SLC35F4: variants seen among roughly 807,000 people sequenced by gnomAD.
The protein encoded by SLC35F4 is solute carrier family 35 member F4.
Under a neutral mutation model 44.2 loss-of-function variants are expected in SLC35F4, and 24 were observed. That is an observed-to-expected ratio of 0.54 (90% CI 0.39 to 0.76). The LOEUF is 0.76. Among genes scored for constraint, SLC35F4 ranks in the 30% least tolerant of loss-of-function variants. The pLI is 0.00. For synonymous variants in SLC35F4, 238 were observed against 223.6 expected (o/e 1.06, Z -0.57); for missense variants, 562 against 586.1 (o/e 0.96, Z 0.42).
chr14:57,638,760 C>T (rs2073109852), intron 1 of SLC35F4, among the ~76,000 whole-genome samples: 1 of 152,014 alleles, frequency 6.6e-6, no homozygotes, highest in South Asian at 2.1e-4. Context: ...TCTTATGTGT[C>T]CCAAACCCCT....
intron 1 of SLC35F4, among the ~76,000 whole-genome samples, chr14:57,725,040 G>C (rs1175550842): frequency 6.6e-6 from 1 of 152,184 alleles, no homozygotes; most frequent in African/African-American, 2.4e-5. Flanking sequence ...CCTCTTTGTG[G>C]TGTGGTAAAA....
intron 1 of SLC35F4, among the ~76,000 whole-genome samples, chr14:57,760,961 C>A (rs147419783): frequency 6.6e-6 from 1 of 152,068 alleles, no homozygotes; most frequent in Non-Finnish European, 1.5e-5. Flanking sequence ...CTCTCCTCTC[C>A]GGCACTCTAC....
intron 1 of SLC35F4, among the ~76,000 whole-genome samples, chr14:57,957,278 G>C (rs879477137): frequency 6.6e-6 from 1 of 152,034 alleles, no homozygotes; most frequent in East Asian, 1.9e-4. Flanking sequence ...ATCACACACC[G>C]GGGACTGTCA....
chr14:57,810,257 A>G (rs949993468), intron 1 of SLC35F4, among the ~76,000 whole-genome samples: 1 of 152,088 alleles, frequency 6.6e-6, no homozygotes, highest in African/African-American at 2.4e-5. Context: ...GTTGTTTCTG[A>G]CCTGTGTCCC....
chr14:57,839,421 G>A (rs768327484), intron 1 of SLC35F4, among the ~76,000 whole-genome samples: 16 of 152,202 alleles, frequency 1.1e-4, no homozygotes, highest in Admixed American at 2.0e-4. Flanking sequence ...ATGAGATCAT[G>A]ACCTTTGCAG....
At chr14:57,818,318 G>C (rs1305701218) in intron 1 of SLC35F4, among the ~76,000 whole-genome samples, 1 of 152,148 alleles carries the variant, frequency 6.6e-6, no homozygotes, top group Non-Finnish European at 1.5e-5. Flanking sequence ...TCCACAAACA[G>C]GATCTGTTTG....
At chr14:57,701,333 T>C (rs1388517781) in intron 1 of SLC35F4, among the ~76,000 whole-genome samples, 3 of 152,178 alleles carry the variant, frequency 2.0e-5, no homozygotes, top group African/African-American at 7.2e-5. Flanking sequence ...TCTTCTGAAA[T>C]ACCTCCTGAA....
chr14:57,804,916 A>G (rs1490626490), intron 1 of SLC35F4, among the ~76,000 whole-genome samples: 3 of 152,186 alleles, frequency 2.0e-5, no homozygotes, highest in Non-Finnish European at 4.4e-5. Context: ...ATTTAAACAA[A>G]TTTACAAGAC....
At chr14:57,684,671 GA>G (rs1455559309) in intron 1 of SLC35F4, among the ~76,000 whole-genome samples, 2 of 152,170 alleles carry the variant, frequency 1.3e-5, no homozygotes, top group Non-Finnish European at 2.9e-5. Context: ...GGCTCCTGAA[GA>G]GCTCTTCCTG....
chr14:57,763,072 T>C (rs1057285254), intron 1 of SLC35F4, among the ~76,000 whole-genome samples: 6 of 152,200 alleles, frequency 3.9e-5, no homozygotes, highest in Admixed American at 3.3e-4. Flanking sequence ...TACTCATTGT[T>C]TGAGTGAATA....
At chr14:57,926,802 A>T (rs1259083978) in intron 1 of SLC35F4, among the ~76,000 whole-genome samples, 1 of 151,974 alleles carries the variant, frequency 6.6e-6, no homozygotes, top group Non-Finnish European at 1.5e-5. Context: ...AATGACTCAC[A>T]CACCCTTGGC....
chr14:57,950,011 T>A (rs1890106265), intron 1 of SLC35F4, among the ~76,000 whole-genome samples: 1 of 152,240 alleles, frequency 6.6e-6, no homozygotes, highest in African/African-American at 2.4e-5. Flanking sequence ...GCCTAGGTGA[T>A]GATCTTCTTG....
intron 1 of SLC35F4, among the ~76,000 whole-genome samples, chr14:57,768,788 G>A (rs536212217): frequency 8.6e-5 from 13 of 151,672 alleles, no homozygotes; most frequent in Admixed American, 2.0e-4. Flanking sequence ...AGTCTTGCTC[G>A]GTCGCCCAGG....
intron 1 of SLC35F4, among the ~76,000 whole-genome samples, chr14:57,848,147 T>G (rs1394058592): frequency 6.6e-6 from 1 of 152,180 alleles, no homozygotes; most frequent in Non-Finnish European, 1.5e-5. Context: ...TCTCAAAGCC[T>G]GGAAATTGTG....
At position 57,897,266 on chromosome 14, in the gene SLC35F4, C is replaced by T. The variant is rs368430900; in HGVS notation, n.282+84647G>A. Among the ~76,000 whole-genome samples, 7 of 152,174 alleles carry T rather than the reference C, an allele frequency of 4.6e-5. No individual in the cohort carries two copies. In the East Asian group the frequency reaches 9.7e-4, roughly 21 times the overall value. ...AGACTCCCTGATAGGGTTAAAGCTC[C>T]TTAGCATTGTGTGGGAAAGGACATC... On this transcript the variant is annotated intron_variant and non_coding_transcript_variant, in intron 1 of 1. Coordinates refer to the SLC35F4 transcript ENST00000556568.
intron 1 of SLC35F4, among the ~76,000 whole-genome samples, chr14:57,776,406 A>C (rs1254156113): frequency 6.6e-6 from 1 of 152,210 alleles, no homozygotes; most frequent in Admixed American, 6.5e-5. Context: ...ATGGTGGCTC[A>C]CACCTGTAAT....
At position 57,581,266 on chromosome 14, in the gene SLC35F4, A is replaced by AAGGCTTTGTTAC. The variant is rs1284621692; in HGVS notation, c.743_754dup (p.Cys248_Ala251dup). 2 of 1,609,214 alleles carry AAGGCTTTGTTAC rather than the reference A, an allele frequency of 1.2e-6. No homozygotes were observed. Among genetic ancestry groups the AAGGCTTTGTTAC allele is most frequent in the South Asian group, 2.2e-5 (2 of 90,022 alleles). On this transcript the variant is annotated inframe_insertion, in exon 4 of 8. Coordinates refer to ENST00000556826, the MANE Select transcript of SLC35F4 (RefSeq NM_001306087.2). ...CACAATCCATGACAGCAAGAAGACA[A>AAGGCTTTGTTAC]AGGCTTTGTTACAACAGAACAGAGC...
intron 1 of SLC35F4, among the ~76,000 whole-genome samples, chr14:57,713,100 T>G (rs2075853165): frequency 6.6e-6 from 1 of 152,182 alleles, no homozygotes; most frequent in South Asian, 2.1e-4. Context: ...CTGCTCATTC[T>G]CCCAATTAAA....
chr14:57,651,194 G>C (rs2073770362), intron 1 of SLC35F4, among the ~76,000 whole-genome samples: 2 of 152,116 alleles, frequency 1.3e-5, no homozygotes, highest in Non-Finnish European at 2.9e-5. Context: ...CACACAGCTG[G>C]TGCACAAAAC....
Sources: gnomAD v4.1 joint callset for allele counts (sites outside exome capture counted in the v4.1 genomes callset) on GRCh38, gnomAD v4.1.1 for gene constraint, MANE v1.5 for transcripts, NCBI Gene and HGNC (gene_info 2026-07-23, HGNC 2026-07-21) for gene names.